ADAR: variants seen among roughly 807,000 people sequenced by gnomAD.
ADAR encodes the protein adenosine deaminase RNA specific, also known as double-stranded RNA-specific adenosine deaminase.
ADAR carries 41 observed loss-of-function variants against 113.2 expected under a neutral mutation model. That is an observed-to-expected ratio of 0.36 (90% CI 0.28 to 0.47). The LOEUF is 0.47. ADAR is among the 20% of genes least tolerant of loss of function. The pLI is 1.00. For synonymous variants in ADAR, 605 were observed against 572.6 expected, an observed-to-expected ratio of 1.06 and a Z score of -0.81; for missense variants, 1,242 against 1,540.9, an observed-to-expected ratio of 0.81 and a Z score of 3.25.
rs979532140 is a variant in ADAR, at chr1:154,584,919, G to C, written c.3568C>G (p.Arg1190Gly). 1 of 1,614,058 alleles carries C rather than the reference G, an allele frequency of 6.2e-7. No individual in the cohort carries two copies. The highest frequency in any genetic ancestry group is 8.5e-7 in the Non-Finnish European group (1 of 1,180,016). Reference protein sequence around the residue: ...LSYGEAKKAARDYETAKNYFK... With the variant: ...LSYGEAKKAAGDYETAKNYFK... ...TAGTTCTTGGCCGTCTCGTAGTCAC[G>C]GGCAGCTTTCTTGGCCTCACCATAG... The change falls in exon 15 of 15, where the codon CGT becomes GGT. Residue 1190 changes from arginine (R) to glycine (G), a missense_variant. Around this residue, in one of 2 missense-constraint regions of ADAR, gnomAD observed 780 missense variants for 1,057.9 expected, o/e 0.74. Coordinates refer to ENST00000368474, the MANE Select transcript of ADAR (RefSeq NM_001111.5).
upstream of ADAR, among the ~76,000 whole-genome samples, chr1:154,613,093 G>A (rs114035699): frequency 4.0e-3 from 609 of 152,164 alleles, 2 homozygotes; most frequent in Middle Eastern, 0.02. Flanking sequence ...TTACAGGTGT[G>A]AGCCACTGCG....
chr1:154,601,175 C>T lies in ADAR; in HGVS notation c.1467G>A (p.Arg489=). Residue 489 remains arginine, a synonymous_variant, in exon 2 of 15, where the codon CGG becomes CGA. Coordinates refer to ENST00000368474, the MANE Select transcript of ADAR (RefSeq NM_001111.5). This position sits in a 1 kb window ranked among gnomAD's most constrained non-coding sequence, Gnocchi z 4.7. Reference sequence around the variant, plus strand: ...CTGTCAGTTTCTTGTAGGGTGAACACCGTGGCAAGCCATGACTGTAGAAGG... The same window carrying T: ...CTGTCAGTTTCTTGTAGGGTGAACATCGTGGCAAGCCATGACTGTAGAAGG... The part of the protein sequence containing the change: ...MPSFYSHGLP[R]CSPYKKLTEC... The T allele has an allele frequency of 6.2e-7, 1 of 1,614,224 alleles. No homozygotes were observed. The highest frequency in any genetic ancestry group is 8.5e-7 in the Non-Finnish European group (1 of 1,180,036).
chr1:154,586,263 G>A lies in ADAR; in HGVS notation c.3120C>T (p.Ile1040=), dbSNP rs771995348. The part of the protein sequence containing the change: ...RLRTMSCSDK[I]LRWNVLGLQG... ...GCAGGCCCAGCACGTTCCAGCGTAGGATTTTGTCACTACAGGACATGGTAC... is the reference window on the plus strand; with the variant it reads ...GCAGGCCCAGCACGTTCCAGCGTAGAATTTTGTCACTACAGGACATGGTAC... Residue 1040 remains isoleucine, a synonymous_variant, in exon 12 of 15, where the codon ATC becomes ATT. Transcript: ENST00000368474. The A allele has an allele frequency of 8.7e-6, 14 of 1,614,098 alleles. No homozygotes were observed. The highest frequency in any genetic ancestry group is 1.6e-4 in the Middle Eastern group (1 of 6,080).
intron 7 of ADAR, 42 bp from the exon 8 acceptor site, chr1:154,589,970 C>T (rs1028671184): frequency 6.2e-7 from 1 of 1,611,286 alleles, no homozygotes; most frequent in Non-Finnish European, 8.5e-7. Flanking sequence ...AAAGCTGAGG[C>T]TGTGTCCACC....
chr1:154,616,052 C>G (rs1698625450), intron 1 of ADAR, among the ~76,000 whole-genome samples: 1 of 152,054 alleles, frequency 6.6e-6, no homozygotes, highest in Non-Finnish European at 1.5e-5. Flanking sequence ...CAAGAAAATT[C>G]TAACCTAGCA....
At chr1:154,593,135 C>CAACAAAAAAAAA (rs1697261434) in intron 6 of ADAR, among the ~76,000 whole-genome samples, 1 of 74,672 alleles carries the variant, frequency 1.3e-5, no homozygotes, top group African/African-American at 5.3e-5. Context: ...ACTCCATCTC[C>CAACAAAAAAAAA]AAAAAAAAAA....
At chr1:154,606,497 C>T (rs1020686957) in intron 1 of ADAR, among the ~76,000 whole-genome samples, 1 of 151,846 alleles carries the variant, frequency 6.6e-6, no homozygotes, top group Non-Finnish European at 1.5e-5. Context: ...TGTATGTGTG[C>T]GCACAATGGA....
chr1:154,590,138 A>AGGGGGGGGGGGGGGGGGGG, intron 7 of ADAR, 46 bp downstream of exon 7: 5 of 1,173,768 alleles, frequency 4.3e-6, no homozygotes, highest in East Asian at 2.5e-5. Flanking sequence ...AGGAGTTAGG[A>AGGGGGGGGGGGGGGGGGGG]GGACCCCCCC....
chr1:154,621,262 TAA>T (rs935922355), intron 1 of ADAR, among the ~76,000 whole-genome samples: 1 of 152,140 alleles, frequency 6.6e-6, no homozygotes, highest in African/African-American at 2.4e-5. Context: ...GCTAGCTTTT[TAA>T]AAGTCATATG....
chr1:154,626,529 C>G (rs1451350244), intron 1 of ADAR, among the ~76,000 whole-genome samples: 1 of 152,162 alleles, frequency 6.6e-6, no homozygotes, highest in African/African-American at 2.4e-5. Context: ...CATATCATAT[C>G]TGGCAGAATA....
Position 154,601,891 on chromosome 1 carries a change from G to C in ADAR, c.751C>G (p.Gln251Glu), listed in dbSNP as rs777881995. 6.2e-7 allele frequency: 1 copy of C among 1,614,076 alleles called. No individual in the cohort carries two copies. Among genetic ancestry groups the C allele is most frequent in the Non-Finnish European group, 8.5e-7 (1 of 1,180,016 alleles). The change falls in exon 2 of 15, where the codon CAG (glutamine) becomes GAG (glutamate). Residue 251 changes from glutamine (Q) to glutamate (E), a missense_variant. Coordinates refer to ENST00000368474, the MANE Select transcript of ADAR (RefSeq NM_001111.5). This position sits in a 1 kb window ranked among gnomAD's most constrained non-coding sequence, Gnocchi z 4.7. The part of the protein sequence containing the change: ...LLEPFIAVSA[Q>E]AWNQHSGVVR... ...ACTCCGCTGTGCTGGTTCCAAGCCT[G>C]AGCTGAGACTGCAATAAAAGGCTCA...
chr1:154,587,522 G>A (rs913670559), intron 11 of ADAR, among the ~76,000 whole-genome samples: 6 of 152,184 alleles, frequency 3.9e-5, no homozygotes, highest in Non-Finnish European at 8.8e-5. Flanking sequence ...TAGGAGTGGA[G>A]CACCGGCTCC....
Position 154,588,679 on chromosome 1 carries a change from AAAAG to A in ADAR, c.2763-10_2763-7del, listed in dbSNP as rs2101579220. 6.2e-7 allele frequency: 1 copy of A among 1,614,224 alleles called. No individual in the cohort carries two copies. Among genetic ancestry groups the A allele is most frequent in the African/African-American group, 1.3e-5 (1 of 75,068 alleles). ...TTAACTCACTGTAGAGAAACCTACA[AAAAG>A]AAAGTCTGGTTAGGAAGGCAGGTTC... On this transcript the variant is annotated splice_polypyrimidine_tract_variant and splice_region_variant and intron_variant, in intron 9 of 14. Coordinates refer to ENST00000368474, the MANE Select transcript of ADAR (RefSeq NM_001111.5).
In ADAR at chr1:154,617,905, T is replaced by C. The variant is rs968728776; in HGVS notation, c.-871+9950A>G. On this transcript the variant is annotated intron_variant, in intron 1 of 14. Coordinates refer to the ADAR transcript ENST00000368471. ...AACTATTAAAAAGAAAAATAGATTA[T>C]TTGCAGATGATATCATCATAACCCT... 2.0e-5 allele frequency among the ~76,000 whole-genome samples: 3 copies of C among 151,796 alleles called. 1 individual carries two copies. The highest frequency in any genetic ancestry group is 2.0e-4 in the Admixed American group (3 of 15,234).
At chr1:154,588,514 C>T (rs767752404) in intron 10 of ADAR, 37 bp downstream of exon 10, 1 of 1,611,898 alleles carries the variant, frequency 6.2e-7, no homozygotes, top group South Asian at 1.1e-5. Flanking sequence ...AACAGCCTGG[C>T]AGGGCCCACC....
intron 11 of ADAR, 97 bp downstream of exon 11, chr1:154,588,027 TG>T (rs1696878038): frequency 1.9e-6 from 3 of 1,568,262 alleles, no homozygotes; most frequent in African/African-American, 1.4e-5. Flanking sequence ...CTGTGCCCAG[TG>T]ACTAATGGTA....
At chr1:154,588,733 T>C in intron 9 of ADAR, 60 bp from the exon 10 acceptor site, 1 of 1,607,804 alleles carries the variant, frequency 6.2e-7, no homozygotes, top group Non-Finnish European at 8.5e-7. Context: ...CAGTTGTTTC[T>C]ATAATCTGAC....
rs1231184259 is a variant in ADAR, at chr1:154,595,040, C to A, written c.2270+1765G>T. ...AAGATTATGATGGAGCTGAAAAATTCTTATCACCAAGTGCAGGGCTCTGTA... is the reference window on the plus strand; with the variant it reads ...AAGATTATGATGGAGCTGAAAAATTATTATCACCAAGTGCAGGGCTCTGTA... On this transcript the variant is annotated intron_variant, in intron 6 of 14. Transcript: ENST00000368474. 7.2e-5 allele frequency among the ~76,000 whole-genome samples: 11 copies of A among 152,252 alleles called. No individual in the cohort carries two copies. In the East Asian group the frequency reaches 2.1e-3, roughly 29 times the overall value.
chr1:154,622,022 A>G (rs1172089738), intron 1 of ADAR, among the ~76,000 whole-genome samples: 1 of 152,164 alleles, frequency 6.6e-6, no homozygotes, highest in African/African-American at 2.4e-5. Context: ...ATAAGGCATA[A>G]CATGTAACCA....
Sources: allele counts gnomAD v4.1 joint callset (sites outside exome capture counted in the v4.1 genomes callset), GRCh38; gene constraint gnomAD v4.1.1; regional missense constraint gnomAD v4.1.1; non-coding constraint Gnocchi (gnomAD v3.1); transcripts MANE v1.5; gene names NCBI Gene and HGNC (gene_info 2026-07-23, HGNC 2026-07-21).